Variants in ASAP1 observed in about 807,000 individuals in gnomAD.
ASAP1 encodes ArfGAP with SH3 domain, ankyrin repeat and PH domain 1, also known as arf-GAP with SH3 domain, ANK repeat and PH domain-containing protein 1.
ASAP1 carries 43 observed loss-of-function variants against 145.2 expected under a neutral mutation model. The observed-to-expected ratio is 0.30, with a 90% CI of 0.23 to 0.38. The LOEUF is 0.38. Among genes scored for constraint, ASAP1 ranks in the 10% least tolerant of loss-of-function variants. The pLI is 1.00. For missense variants in ASAP1, 1,018 were observed against 1,355.3 expected (o/e 0.75, Z 3.91); for synonymous variants, 546 against 515.5 (o/e 1.06, Z -0.80).
At chr8:130,268,237 G>A (rs1441266675) in intron 3 of ASAP1, among the ~76,000 whole-genome samples, 2 of 152,128 alleles carry the variant, frequency 1.3e-5, no homozygotes, top group Admixed American at 6.6e-5. Context: ...TGTAATCCCA[G>A]CACTTAGGGA....
chr8:130,274,425 A>C (rs1284223122), intron 3 of ASAP1, among the ~76,000 whole-genome samples: 1 of 152,200 alleles, frequency 6.6e-6, no homozygotes, highest in African/African-American at 2.4e-5. Flanking sequence ...AGAGGAGATA[A>C]TAGCTGGTAA....
chr8:130,417,937 T>C (rs1829555861), intron 1 of ASAP1, among the ~76,000 whole-genome samples: 1 of 152,230 alleles, frequency 6.6e-6, no homozygotes, highest in Non-Finnish European at 1.5e-5. Flanking sequence ...CTTGAACTAA[T>C]TTCTGTGGCC....
chr8:130,393,416 G>A (rs1040899049), intron 2 of ASAP1, among the ~76,000 whole-genome samples: 4 of 152,122 alleles, frequency 2.6e-5, no homozygotes, highest in Admixed American at 2.6e-4. Flanking sequence ...ATTTACTGTG[G>A]GCCTGGTACT....
chr8:130,380,449 TTGCAGGG>T lies in ASAP1; in HGVS notation c.59+21429_59+21435del, dbSNP rs1037645383. Among the ~76,000 whole-genome samples the T allele has an allele frequency of 7.2e-5, 11 of 152,216 alleles. No individual in the cohort carries two copies. In the East Asian group the frequency reaches 1.7e-3, roughly 24 times the overall value. On this transcript the variant is annotated intron_variant, in intron 2 of 29. Coordinates refer to ENST00000518721, the MANE Select transcript of ASAP1 (RefSeq NM_018482.4). Reference sequence around the variant, plus strand: ...CCCTCAGGAGCAGCAGCCTGAGGGTTTGCAGGGTGCAGGGTGCAGGGAACCAGGGTGC... The same window carrying T: ...CCCTCAGGAGCAGCAGCCTGAGGGTTTGCAGGGTGCAGGGAACCAGGGTGC...
intron 5 of ASAP1, among the ~76,000 whole-genome samples, chr8:130,202,780 A>T (rs1025238420): frequency 6.6e-6 from 1 of 152,108 alleles, no homozygotes; most frequent in African/African-American, 2.4e-5. Context: ...CAGAGATAGA[A>T]CTCAATTATA....
chr8:130,345,961 T>C (rs1000364600), intron 3 of ASAP1, among the ~76,000 whole-genome samples: 6 of 152,176 alleles, frequency 3.9e-5, no homozygotes, highest in Non-Finnish European at 8.8e-5. Flanking sequence ...CTTCAAGAAA[T>C]TTAGTAACTG....
At position 130,415,302 on chromosome 8, in the gene ASAP1, C is replaced by T. The variant is rs1028992938; in HGVS notation, c.-27-13332G>A. Among the ~76,000 whole-genome samples the T allele has an allele frequency of 2.0e-5, 3 of 151,324 alleles. No homozygotes were observed. The East Asian group carries it at 5.8e-4, about 29-fold the overall frequency. On this transcript the variant is annotated intron_variant, in intron 1 of 29. Coordinates refer to ENST00000518721, the MANE Select transcript of ASAP1 (RefSeq NM_018482.4). ...TAGGCAATATAGTGAGACTTCATCT[C>T]TAAAAAAATTTAAAAACTAGTGGGG...
intron 3 of ASAP1, among the ~76,000 whole-genome samples, chr8:130,343,540 C>T (rs973636483): frequency 1.3e-5 from 2 of 152,188 alleles, no homozygotes; most frequent in Non-Finnish European, 1.5e-5. Context: ...CTAGGCTGCC[C>T]AGGGCTGGAA....
chr8:130,271,029 A>C (rs1204327391), intron 3 of ASAP1, among the ~76,000 whole-genome samples: 2 of 152,218 alleles, frequency 1.3e-5, no homozygotes, highest in Non-Finnish European at 2.9e-5. Context: ...CACCGTCCTG[A>C]AACAAGAATG....
intron 5 of ASAP1, chr8:130,194,971 G>C (rs1015793004): frequency 2.6e-5 from 4 of 152,048 alleles, no homozygotes; most frequent in Admixed American, 2.6e-4. Flanking sequence ...TACAATAACA[G>C]TATCAGTAAA....
At chr8:130,260,348 T>C (rs998964495) in intron 3 of ASAP1, among the ~76,000 whole-genome samples, 1 of 152,236 alleles carries the variant, frequency 6.6e-6, no homozygotes, top group Non-Finnish European at 1.5e-5. Flanking sequence ...TTATACTCAC[T>C]GCAGTTCAGC....
chr8:130,151,884 T>C (rs770737484), intron 13 of ASAP1, among the ~76,000 whole-genome samples: 10 of 152,232 alleles, frequency 6.6e-5, no homozygotes, highest in Non-Finnish European at 1.5e-4. Flanking sequence ...GAGTTTGAAC[T>C]TCCAATTCTG....
chr8:130,375,525 T>C (rs1306435736), intron 2 of ASAP1, among the ~76,000 whole-genome samples: 1 of 150,150 alleles, frequency 6.7e-6, no homozygotes, highest in Non-Finnish European at 1.5e-5. Context: ...GTGCCACTGC[T>C]CTCCAGTATA....
At chr8:130,275,438 C>T (rs1820820934) in intron 3 of ASAP1, among the ~76,000 whole-genome samples, 1 of 152,236 alleles carries the variant, frequency 6.6e-6, no homozygotes, top group Non-Finnish European at 1.5e-5. Context: ...ATACCCCTCT[C>T]TCAATTACCA....
At chr8:130,340,845 G>T (rs762400562) in intron 3 of ASAP1, 3 of 453,500 alleles carry the variant, frequency 6.6e-6, no homozygotes, top group South Asian at 4.7e-5. Flanking sequence ...TTAATACCTT[G>T]TGACTCTTAT....
chr8:130,175,423 C>T (rs1813885609), intron 9 of ASAP1, among the ~76,000 whole-genome samples: 1 of 151,960 alleles, frequency 6.6e-6, no homozygotes, highest in African/African-American at 2.4e-5. Flanking sequence ...ACAGAGTCTC[C>T]CTGTGTTGCC....
chr8:130,124,315 A>G (rs2097571498), intron 17 of ASAP1, among the ~76,000 whole-genome samples: 1 of 152,206 alleles, frequency 6.6e-6, no homozygotes, highest in South Asian at 2.1e-4. Flanking sequence ...GAGATGGGTA[A>G]ACTATGTTCC....
At chr8:130,167,644 T>C (rs2097682694) in intron 10 of ASAP1, 22 bp from the exon 11 acceptor site, 1 of 1,538,478 alleles carries the variant, frequency 6.5e-7, no homozygotes, top group Non-Finnish European at 9.0e-7. Context: ...AAATTACTTC[T>C]ATTACTTACC....
At chr8:130,281,526 C>G (rs1821244566) in intron 3 of ASAP1, among the ~76,000 whole-genome samples, 1 of 152,108 alleles carries the variant, frequency 6.6e-6, no homozygotes, top group African/African-American at 2.4e-5. Flanking sequence ...TACTGTAAAT[C>G]TACAACTAAG....
Sources: gnomAD v4.1 joint callset for allele counts (sites outside exome capture counted in the v4.1 genomes callset) on GRCh38, gnomAD v4.1.1 for gene constraint, MANE v1.5 for transcripts, NCBI Gene and HGNC (gene_info 2026-07-23, HGNC 2026-07-21) for gene names.